The following SLC14A2 variants were observed in gnomAD, a reference collection of about 807,000 sequenced individuals.
SLC14A2 encodes solute carrier family 14 member 2.
Under a neutral mutation model 104.6 loss-of-function variants are expected in SLC14A2, and 91 were observed. That is an observed-to-expected ratio of 0.87 (90% CI 0.73 to 1.04). The LOEUF (loss-of-function observed/expected upper bound fraction) is 1.04, where lower values mean the gene tolerates loss of function less well. Ranked by LOEUF, SLC14A2 falls within the 50% of genes least tolerant of loss-of-function variation. The pLI is 0.00. For synonymous variants in SLC14A2, 476 were observed against 466.4 expected (o/e 1.02, Z -0.27); for missense variants, 1,189 against 1,156.0 (o/e 1.03, Z -0.41).
intron 1 of SLC14A2, among the ~76,000 whole-genome samples, chr18:45,477,132 CT>C (rs1211932568): frequency 6.6e-6 from 1 of 152,142 alleles, no homozygotes; most frequent in Non-Finnish European, 1.5e-5. Context: ...TACTTTTGGT[CT>C]TTGATGTTGG....
At chr18:45,448,097 G>A (rs1366373650) in intron 1 of SLC14A2, among the ~76,000 whole-genome samples, 1 of 152,200 alleles carries the variant, frequency 6.6e-6, no homozygotes, top group South Asian at 2.1e-4. Context: ...TCAGCAATGA[G>A]TGTATGACTG....
intron 1 of SLC14A2, among the ~76,000 whole-genome samples, chr18:45,237,567 G>T (rs951575941): frequency 3.3e-5 from 5 of 152,136 alleles, no homozygotes; most frequent in Non-Finnish European, 7.4e-5. Flanking sequence ...GAGTGGTGGC[G>T]AATCGTAAAT....
chr18:45,640,822 G>A (rs1028479484), intron 7 of SLC14A2, among the ~76,000 whole-genome samples: 2 of 152,122 alleles, frequency 1.3e-5, no homozygotes, highest in Non-Finnish European at 2.9e-5. Flanking sequence ...AGTGTATAGG[G>A]ATATTTTTCC....
At chr18:45,345,026 G>A (rs561228994) in intron 1 of SLC14A2, among the ~76,000 whole-genome samples, 4 of 152,272 alleles carry the variant, frequency 2.6e-5, no homozygotes, top group East Asian at 3.9e-4. Context: ...AGTGTTGGAC[G>A]TGCAGTATGA....
chr18:45,408,821 G>T (rs1310623789), intron 1 of SLC14A2, among the ~76,000 whole-genome samples: 4 of 152,136 alleles, frequency 2.6e-5, no homozygotes, highest in Non-Finnish European at 5.9e-5. Context: ...CCAGAATATG[G>T]ATACATGAGT....
At chr18:45,389,753 C>T (rs1261569312) in intron 1 of SLC14A2, among the ~76,000 whole-genome samples, 5 of 152,184 alleles carry the variant, frequency 3.3e-5, no homozygotes, top group Non-Finnish European at 5.9e-5. Context: ...GGTCTCTCTA[C>T]CCTATTTCTC....
chr18:45,292,569 G>A (rs1169013215), intron 1 of SLC14A2, among the ~76,000 whole-genome samples: 1 of 152,174 alleles, frequency 6.6e-6, no homozygotes, highest in African/African-American at 2.4e-5. Flanking sequence ...GGTTGTGGGG[G>A]CAGTTGTACC....
chr18:45,426,125 A>G (rs1304364896), intron 1 of SLC14A2, among the ~76,000 whole-genome samples: 12 of 152,168 alleles, frequency 7.9e-5, no homozygotes, highest in Non-Finnish European at 1.8e-4. Context: ...CTGGCACGGC[A>G]TCGATGGCCA....
At chr18:45,600,925 C>T (rs1251312358) in intron 2 of SLC14A2, among the ~76,000 whole-genome samples, 1 of 152,172 alleles carries the variant, frequency 6.6e-6, no homozygotes, top group South Asian at 2.1e-4. Context: ...TGAAGCCAAC[C>T]CTGAGTCAAT....
intron 1 of SLC14A2, among the ~76,000 whole-genome samples, chr18:45,378,997 G>T (rs2085805147): frequency 6.6e-6 from 1 of 152,192 alleles, no homozygotes; most frequent in Non-Finnish European, 1.5e-5. Flanking sequence ...GGTAGTAAAT[G>T]ATCAAATAAA....
chr18:45,467,775 C>T (rs369565064), intron 1 of SLC14A2, among the ~76,000 whole-genome samples: 9 of 152,228 alleles, frequency 5.9e-5, no homozygotes, highest in African/African-American at 2.2e-4. Flanking sequence ...TGTTACCAAC[C>T]CACTCCACCC....
intron 19 of SLC14A2, among the ~76,000 whole-genome samples, chr18:45,679,999 T>C (rs1439088721): frequency 1.3e-5 from 2 of 152,210 alleles, no homozygotes; most frequent in African/African-American, 4.8e-5. Flanking sequence ...GTATCTGTTA[T>C]AGTCTTCAAC....
At chr18:45,316,380 C>T (rs1186659898) in intron 1 of SLC14A2, among the ~76,000 whole-genome samples, 1 of 152,040 alleles carries the variant, frequency 6.6e-6, no homozygotes, top group African/African-American at 2.4e-5. Flanking sequence ...AAGAGGAGGT[C>T]GGAGTGTGGG....
chr18:45,201,884 C>T, the SLC14A2 span, among the ~76,000 whole-genome samples: 1 of 152,006 alleles, frequency 6.6e-6, no homozygotes, highest in African/African-American at 2.4e-5. Flanking sequence ...AATGTAACTC[C>T]TGAAGAAAAT....
At chr18:45,306,916 C>A (rs992376869) in intron 1 of SLC14A2, among the ~76,000 whole-genome samples, 16 of 152,138 alleles carry the variant, frequency 1.1e-4, no homozygotes, top group Admixed American at 3.3e-4. Flanking sequence ...TCCTCTTAAT[C>A]CCTCACCTCC....
At position 45,682,536 on chromosome 18, in the gene SLC14A2, C is replaced by T. The variant is rs3745008; in HGVS notation, c.*17C>T. 0.44 allele frequency: 710,334 copies of T among 1,604,078 alleles called. 158,584 individuals carry two copies. The highest frequency in any genetic ancestry group is 0.49 in the South Asian group (44,788 of 90,886). ...GTCTCCTAAGTTTCCCTGTCTAAAA[C>T]ACATCAGTGTAAATTCAGGCTTCAG... is the stretch of plus-strand genomic sequence containing the variant. On this transcript the variant is annotated 3_prime_UTR_variant, in exon 20 of 20. Transcript: ENST00000255226.
chr18:45,227,081 T>G (rs575965650), intron 1 of SLC14A2, among the ~76,000 whole-genome samples: 3 of 152,146 alleles, frequency 2.0e-5, no homozygotes, highest in African/African-American at 7.2e-5. Context: ...CCAGCACTAT[T>G]CATCATCATT....
At chr18:45,252,205 T>G (rs2084430745) in intron 1 of SLC14A2, among the ~76,000 whole-genome samples, 1 of 152,202 alleles carries the variant, frequency 6.6e-6, no homozygotes, top group Non-Finnish European at 1.5e-5. Context: ...ACTTATTTTC[T>G]TCATGAAAAA....
chr18:45,251,234 A>G (rs1289398812), intron 1 of SLC14A2, among the ~76,000 whole-genome samples: 2 of 152,088 alleles, frequency 1.3e-5, no homozygotes, highest in African/African-American at 4.8e-5. Context: ...ATGCCTTTGC[A>G]TCCTCATAGT....
Sources: allele counts gnomAD v4.1 joint callset (sites outside exome capture counted in the v4.1 genomes callset), GRCh38; gene constraint gnomAD v4.1.1; transcripts MANE v1.5; gene names NCBI Gene and HGNC (gene_info 2026-07-23, HGNC 2026-07-21).